The following HAP1 variants were observed in gnomAD, a reference collection of about 807,000 sequenced individuals.
HAP1 encodes the protein huntingtin-associated protein 1.
In HAP1, 59 loss-of-function variants were observed where a neutral mutation model predicts 60.3. The observed-to-expected ratio is 0.98, with a 90% CI of 0.79 to 1.22. The LOEUF (loss-of-function observed/expected upper bound fraction) is 1.22. Among genes scored for constraint, HAP1 ranks in the 50% most tolerant of loss-of-function variants. The probability of loss-of-function intolerance (pLI) is 0.00; values close to 1 mark genes in which losing one functional copy is unlikely to be tolerated. For missense variants in HAP1, 825 were observed against 785.3 expected, an observed-to-expected ratio of 1.05 and a Z score of -0.60; for synonymous variants, 346 against 330.6, an observed-to-expected ratio of 1.05 and a Z score of -0.50.
chr17:41,728,150 C>G lies in HAP1; in HGVS notation c.1200+51G>C. On this transcript the variant is annotated intron_variant, in intron 7 of 10. Coordinates refer to ENST00000347901, the MANE Select transcript of HAP1 (RefSeq NM_177977.3). ...CCGAGTGGAGGCAGGAAGAAGGAAG[C>G]TAGGGTCCCATGGGGCCACGACAAG... 3 of 1,597,904 alleles carry G rather than the reference C, an allele frequency of 1.9e-6. No individual in the cohort carries two copies. The East Asian group carries it at 6.7e-5, about 36-fold the overall frequency.
intron 9 of HAP1, 142 bp downstream of exon 9, chr17:41,726,911 G>A (rs1911681666): frequency 3.3e-6 from 2 of 599,026 alleles, no homozygotes; most frequent in Admixed American, 2.9e-5. Context: ...CATATTCATA[G>A]AGAAGCAATG....
intron 9 of HAP1, 96 bp from the exon 10 acceptor site, chr17:41,725,993 T>C (rs1555588721): frequency 1.1e-6 from 1 of 912,298 alleles, no homozygotes; most frequent in African/African-American, 1.6e-5. Context: ...GTAGTGGCCA[T>C]GAGCAGTGGC....
At chr17:41,718,184 G>C (rs550639855), downstream of HAP1, 1 of 284,522 alleles carries the variant, frequency 3.5e-6, no homozygotes, top group African/African-American at 2.2e-5. Flanking sequence ...GAACGCGCCC[G>C]ATCTTGTCTG....
At chr17:41,731,338 GA>G (rs529977207) in intron 6 of HAP1, among the ~76,000 whole-genome samples, 154 bp downstream of exon 6, 104 of 152,326 alleles carry the variant, frequency 6.8e-4, no homozygotes, top group African/African-American at 2.4e-3. Context: ...CCATTCTAAA[GA>G]CAAAGGTTCA....
Position 41,727,146 on chromosome 17 carries a change from T to TAAGCAA in HAP1, c.1276-3_1276-2insTTGCTT. On this transcript the variant is annotated splice_region_variant and splice_polypyrimidine_tract_variant and intron_variant, in intron 8 of 10. Transcript: ENST00000347901. ...CTCCTGGAAACCAGGAAGAGTCTCCTATGGTGGAGAGAACAGACGTTACCA... is the reference window on the plus strand; with the variant it reads ...CTCCTGGAAACCAGGAAGAGTCTCCTAAGCAAATGGTGGAGAGAACAGACGTTACCA... 1 of 1,537,738 alleles carries TAAGCAA rather than the reference T, an allele frequency of 6.5e-7. No individual in the cohort carries two copies.
rs1555592073 is a variant in HAP1, at chr17:41,734,416, C to T, written c.219G>A (p.Glu73=). The T allele has an allele frequency of 4.4e-6, 7 of 1,608,074 alleles. No homozygotes were observed. The highest frequency in any genetic ancestry group is 8.5e-7 in the Non-Finnish European group (1 of 1,176,292). Residue 73 remains glutamate (E), a synonymous_variant, in exon 1 of 11, where the codon GAG becomes GAA. Transcript: ENST00000347901. ...EARTGARPAS[E]AGAKAGARRP... The stretch of plus-strand genomic sequence containing the variant: ...GCCGGGCTCCTGCCTTGGCTCCAGC[C>T]TCCGAGGCCGGGCGAGCTCCGGTGC...
At chr17:41,726,152 C>T (rs938368785) in intron 9 of HAP1, among the ~76,000 whole-genome samples, 28 of 152,178 alleles carry the variant, frequency 1.8e-4, no homozygotes, top group Admixed American at 1.2e-3. Context: ...CAGTGGCTCA[C>T]GCCTATAATC....
rs199846918 is a variant in HAP1, at chr17:41,724,796, G to A, written c.1765C>T (p.Arg589Trp). 2.9e-5 allele frequency: 47 copies of A among 1,612,046 alleles called. No individual in the cohort carries two copies. Among genetic ancestry groups the A allele is most frequent in the South Asian group, 2.0e-4 (18 of 91,082 alleles). Residue 589 changes from arginine (R) to tryptophan (W), a missense_variant, in exon 11 of 11, where the codon CGG (arginine) becomes TGG (tryptophan). Arg to Trp is a moderately radical substitution (Grantham distance 101). Transcript: ENST00000347901. The part of the protein sequence containing the change: ...LANWQDAHYR[R>W]QLRWKMLQKG... The stretch of plus-strand genomic sequence containing the variant: ...TGGAGCATCTTCCACCTCAGCTGCC[G>A]CCTGTAATGGGCATCTTGCCAGTTG...
At position 41,732,810 on chromosome 17, in the gene HAP1, G is replaced by A. The variant is rs1481847974; in HGVS notation, c.470-12C>T. The stretch of plus-strand genomic sequence containing the variant: ...GTTAGGACACAGTGCTGCAGGAGGC[G>A]GCAGGTGGGGAGAAAAGGCCCAGCC... On this transcript the variant is annotated splice_polypyrimidine_tract_variant and intron_variant, in intron 1 of 10. Transcript: ENST00000347901. The A allele has an allele frequency of 4.2e-5, 64 of 1,533,608 alleles. No homozygotes were observed. The highest frequency in any genetic ancestry group is 6.7e-5 in the Admixed American group (4 of 59,880).
downstream of HAP1, chr17:41,720,795 A>G (rs1555586880): frequency 7.4e-6 from 1 of 135,550 alleles, no homozygotes; most frequent in East Asian, 2.0e-4. Context: ...TCTGAGATAT[A>G]TTCTTTTTTT....
intron 6 of HAP1, chr17:41,730,185 G>A (rs1474027625): frequency 6.6e-6 from 1 of 150,736 alleles, no homozygotes; most frequent in East Asian, 1.9e-4. Context: ...CTATTCATAG[G>A]TGCGATCCTA....
intron 10 of HAP1, 124 bp from the exon 11 acceptor site, chr17:41,725,278 G>T: frequency 1.3e-6 from 1 of 795,898 alleles, no homozygotes; most frequent in Non-Finnish European, 1.9e-6. Flanking sequence ...GGGGAGAGGG[G>T]AGCTAGGTAC....
rs1432987266 is a variant in HAP1, at chr17:41,725,048, C to T, written c.1513G>A (p.Ala505Thr). 3.1e-6 allele frequency: 5 copies of T among 1,612,512 alleles called. No homozygotes were observed. Among genetic ancestry groups the T allele is most frequent in the Non-Finnish European group, 4.2e-6 (5 of 1,179,130 alleles). ...DIMRGEDFTP[A>T]EEFVPQEELG... ...TCCTCCTGGGGCACGAACTCCTCCG[C>T]AGGCGTGAAATCTTCCCCCCGCATG... is the stretch of plus-strand genomic sequence containing the variant. The change falls in exon 11 of 11, where the codon GCG becomes ACG. Residue 505 changes from alanine to threonine, a missense_variant. Ala to Thr is a moderately conservative substitution (Grantham distance 58). Transcript: ENST00000347901.
At position 41,725,042 on chromosome 17, in the gene HAP1, C is replaced by T; in HGVS notation, c.1519G>A (p.Glu507Lys). 3 of 1,612,530 alleles carry T rather than the reference C, an allele frequency of 1.9e-6. No individual in the cohort carries two copies. The highest frequency in any genetic ancestry group is 1.1e-5 in the South Asian group (1 of 90,996). ...CCCAGCTCCTCCTGGGGCACGAACT[C>T]CTCCGCAGGCGTGAAATCTTCCCCC... Reference protein sequence around the residue: ...MRGEDFTPAEEFVPQEELGAA... With the variant: ...MRGEDFTPAEKFVPQEELGAA... The change falls in exon 11 of 11, where the codon GAG (glutamate) becomes AAG (lysine). Residue 507 changes from glutamate to lysine, a missense_variant. Coordinates refer to ENST00000347901, the MANE Select transcript of HAP1 (RefSeq NM_177977.3).
Position 41,731,753 on chromosome 17 carries a change from G to C in HAP1, c.897-10C>G. 3 of 1,589,590 alleles carry C rather than the reference G, an allele frequency of 1.9e-6. No individual in the cohort carries two copies. Among genetic ancestry groups the C allele is most frequent in the Non-Finnish European group, 2.6e-6 (3 of 1,158,262 alleles). ...TGCCTCCTGCGAAATCCTAGGGGAG[G>C]GAGGAATGGGAGTCAGGGTGCAGGG... is the stretch of plus-strand genomic sequence containing the variant. On this transcript the variant is annotated splice_polypyrimidine_tract_variant and intron_variant, in intron 4 of 10. Transcript: ENST00000347901.
chr17:41,728,457 C>T (rs1597741411), intron 6 of HAP1, 126 bp from the exon 7 acceptor site: 1 of 743,362 alleles, frequency 1.3e-6, no homozygotes. Flanking sequence ...TCCTGCAGGG[C>T]TTTGCATTCC....
Position 41,730,099 on chromosome 17 carries a change from A to G in HAP1, c.1069+1394T>C, listed in dbSNP as rs1458253243. 9.7e-5 allele frequency: 2 copies of G among 20,566 alleles called. 1 individual carries two copies. Among genetic ancestry groups the G allele is most frequent in the Non-Finnish European group, 1.8e-4 (2 of 11,256 alleles). The allele number at this position is 20,566 out of a possible 1,614,324, so 1.3% of individuals were successfully genotyped here. A position where few individuals can be genotyped will look rare whatever the true frequency, so the allele number is the denominator to read the frequency against. On this transcript the variant is annotated intron_variant, in intron 6 of 10. Transcript: ENST00000347901. Reference sequence around the variant, plus strand: ...GAAAGAAAAGAAAAGAAAAGAAAAGAAAAGAAAAGAAAAGAAAGAAAGAAA... The same window carrying G: ...GAAAGAAAAGAAAAGAAAAGAAAAGGAAAGAAAAGAAAAGAAAGAAAGAAA...
chr17:41,730,950 G>C (rs552976074), intron 6 of HAP1, among the ~76,000 whole-genome samples: 93 of 150,384 alleles, frequency 6.2e-4, no homozygotes, highest in Non-Finnish European at 1.0e-3. Flanking sequence ...TTGCTCTGTC[G>C]CCCAGGCTGG....
intron 10 of HAP1, among the ~76,000 whole-genome samples, chr17:41,725,389 C>T (rs1183775202): frequency 6.6e-6 from 1 of 152,148 alleles, no homozygotes; most frequent in Non-Finnish European, 1.5e-5. Context: ...TGTCCCTGAC[C>T]CTGCACGGAA....
Sources: gnomAD v4.1 joint callset for allele counts (sites outside exome capture counted in the v4.1 genomes callset) on GRCh38, gnomAD v4.1.1 for gene constraint, MANE v1.5 for transcripts, NCBI Gene and HGNC (gene_info 2026-07-23, HGNC 2026-07-21) for gene names.